The following COG4 variants were observed in gnomAD, a reference collection of about 807,000 sequenced individuals.
The protein encoded by COG4 is conserved oligomeric Golgi complex subunit 4.
COG4 carries 65 observed loss-of-function variants against 95.1 expected under a neutral mutation model. The observed-to-expected ratio is 0.68, with a 90% CI of 0.56 to 0.84. The LOEUF (loss-of-function observed/expected upper bound fraction) is 0.84, where lower values mean the gene tolerates loss of function less well. Ranked by LOEUF, COG4 falls within the 40% of genes least tolerant of loss-of-function variation. The pLI, the probability that COG4 is intolerant of heterozygous loss-of-function variation, is 0.00. For synonymous variants in COG4, 421 were observed against 374.8 expected (o/e 1.12, Z -1.42); for missense variants, 1,045 against 989.1 (o/e 1.06, Z -0.76).
At chr16:70,513,489 T>G (rs533379500) in intron 4 of COG4, among the ~76,000 whole-genome samples, 1 of 152,312 alleles carries the variant, frequency 6.6e-6, no homozygotes, top group Admixed American at 6.5e-5. Context: ...GTACTGAACC[T>G]TAAATATACT....
chr16:70,498,096 C>T (rs771930116), intron 9 of COG4, 41 bp from the exon 10 acceptor site: 2 of 1,329,930 alleles, frequency 1.5e-6, no homozygotes, highest in Non-Finnish European at 2.2e-6. Flanking sequence ...TTTTTTTCCC[C>T]AAGGGAAACA....
intron 13 of COG4, among the ~76,000 whole-genome samples, chr16:70,484,821 C>A (rs1415507571): frequency 6.6e-6 from 1 of 152,086 alleles, no homozygotes; most frequent in Non-Finnish European, 1.5e-5. Context: ...ATCCCTTGAG[C>A]CCAAGGGTTC....
chr16:70,495,032 G>T (rs1252585582), intron 12 of COG4, among the ~76,000 whole-genome samples: 1 of 152,108 alleles, frequency 6.6e-6, no homozygotes, highest in Non-Finnish European at 1.5e-5. Context: ...GTAGATATTA[G>T]CAAGTTTAGG....
At chr16:70,481,578 C>T (rs1018654950) in intron 17 of COG4, 91 bp from the exon 18 acceptor site, 20 of 1,580,840 alleles carry the variant, frequency 1.3e-5, no homozygotes, top group Middle Eastern at 3.4e-4. Flanking sequence ...CAAGGCCCGC[C>T]AGGCCTCAGG....
intron 16 of COG4, 75 bp downstream of exon 16, chr16:70,482,017 G>T: frequency 7.2e-7 from 1 of 1,397,832 alleles, no homozygotes; most frequent in Non-Finnish European, 1.0e-6. Context: ...GAAGGAATGT[G>T]ATGAGACCCT....
intron 13 of COG4, among the ~76,000 whole-genome samples, chr16:70,489,902 C>T (rs1179904504): frequency 6.6e-6 from 1 of 152,198 alleles, no homozygotes; most frequent in Non-Finnish European, 1.5e-5. Flanking sequence ...ACTGCAACCT[C>T]TGCCTCCCGG....
chr16:70,500,949 C>T lies in COG4; in HGVS notation c.1195+9G>A, dbSNP rs749880880. 2.6e-5 allele frequency: 42 copies of T among 1,613,898 alleles called. No individual in the cohort carries two copies. The highest frequency in any genetic ancestry group is 1.6e-4 in the Middle Eastern group (1 of 6,084). Reference sequence around the variant, plus strand: ...CAACCCTCCCCAAAAATATGGGAAACGTTTTTACCTTGCTTTACTTCCTCT... The same window carrying T: ...CAACCCTCCCCAAAAATATGGGAAATGTTTTTACCTTGCTTTACTTCCTCT... On this transcript the variant is annotated intron_variant, in intron 9 of 18. Transcript: ENST00000323786.
intron 12 of COG4, among the ~76,000 whole-genome samples, chr16:70,491,303 T>A (rs1184988873): frequency 6.7e-6 from 1 of 150,290 alleles, no homozygotes; most frequent in Non-Finnish European, 1.5e-5. Flanking sequence ...TCACCTGAGG[T>A]CAGGAGTTCA....
At chr16:70,490,856 T>C (rs532706409) in intron 12 of COG4, among the ~76,000 whole-genome samples, 2 of 152,144 alleles carry the variant, frequency 1.3e-5, no homozygotes, top group Admixed American at 1.3e-4. Context: ...AGACGGGGTT[T>C]CACCATGTTA....
chr16:70,484,418 TCCTC>T (rs1313031894), intron 13 of COG4, among the ~76,000 whole-genome samples: 5 of 152,176 alleles, frequency 3.3e-5, no homozygotes, highest in Non-Finnish European at 5.9e-5. Context: ...TTGCTATAGT[TCCTC>T]CTTTCCCCCC....
intron 12 of COG4, among the ~76,000 whole-genome samples, chr16:70,490,925 C>G (rs1031019601): frequency 6.6e-6 from 1 of 152,020 alleles, no homozygotes; most frequent in Non-Finnish European, 1.5e-5. Context: ...TCCCAAAGTG[C>G]TGGGATTACA....
intron 6 of COG4, 83 bp downstream of exon 6, chr16:70,509,833 A>C: frequency 1.0e-6 from 1 of 990,090 alleles, no homozygotes; most frequent in Non-Finnish European, 1.6e-6. Context: ...TAAAGTCATC[A>C]GGCTAGAAGG....
chr16:70,497,094 G>T (rs1397415237), intron 11 of COG4, 127 bp downstream of exon 11: 1 of 936,868 alleles, frequency 1.1e-6, no homozygotes, highest in Non-Finnish European at 1.7e-6. Context: ...CTATCTTAGG[G>T]ATAGGAGCTG....
intron 5 of COG4, 66 bp downstream of exon 5, chr16:70,512,173 A>T (rs1015982060): frequency 2.8e-5 from 40 of 1,451,354 alleles, no homozygotes; most frequent in Non-Finnish European, 3.7e-5. Flanking sequence ...AACTGGATCC[A>T]TCCAGTGCCC....
intron 12 of COG4, among the ~76,000 whole-genome samples, chr16:70,490,900 C>T (rs1046324181): frequency 6.6e-6 from 1 of 151,948 alleles, no homozygotes; most frequent in African/African-American, 2.4e-5. Context: ...ACCTCATGAT[C>T]TGCCCACCTC....
At chr16:70,497,851 T>A (rs2303791) in intron 10 of COG4, 86 bp downstream of exon 10, 1 of 838,928 alleles carries the variant, frequency 1.2e-6, no homozygotes, top group African/African-American at 1.7e-5. Flanking sequence ...GCAGGACCAA[T>A]AAATATGACA....
intron 4 of COG4, among the ~76,000 whole-genome samples, chr16:70,513,345 C>G (rs1159494859): frequency 6.6e-6 from 1 of 152,118 alleles, no homozygotes; most frequent in Non-Finnish European, 1.5e-5. Flanking sequence ...TGGCCAAGTG[C>G]AAAGAACCCG....
chr16:70,516,878 CT>C (rs1305072757), intron 3 of COG4, among the ~76,000 whole-genome samples: 3 of 152,156 alleles, frequency 2.0e-5, no homozygotes, highest in Non-Finnish European at 4.4e-5. Context: ...ATCCTCCTGC[CT>C]TAGCCTCCCA....
intron 3 of COG4, among the ~76,000 whole-genome samples, chr16:70,516,325 ATCTC>A: frequency 6.7e-6 from 1 of 148,776 alleles, no homozygotes. Context: ...TTGAGACAGA[ATCTC>A]TCTGTCGCCC....
Sources: gnomAD v4.1 joint callset for allele counts (sites outside exome capture counted in the v4.1 genomes callset) on GRCh38, gnomAD v4.1.1 for gene constraint, MANE v1.5 for transcripts, NCBI Gene and HGNC (gene_info 2026-07-23, HGNC 2026-07-21) for gene names.